The following STK38 variants were observed in gnomAD, a reference collection of about 807,000 sequenced individuals.
STK38 encodes serine/threonine-protein kinase 38.
Under a neutral mutation model 59.0 loss-of-function variants are expected in STK38, and 26 were observed. The observed-to-expected ratio is 0.44, with a 90% CI of 0.32 to 0.61. STK38 has a LOEUF of 0.61. Among genes scored for constraint, STK38 ranks in the 20% least tolerant of loss-of-function variants. The pLI, the probability that STK38 is intolerant of heterozygous loss-of-function variation, is 0.04. For synonymous variants in STK38, 175 were observed against 176.6 expected (o/e 0.99, Z 0.07); for missense variants, 433 against 566.0 (o/e 0.76, Z 2.38).
intron 4 of STK38, chr6:36,522,326 T>C (rs989021977): frequency 3.3e-5 from 5 of 152,420 alleles, no homozygotes; most frequent in African/African-American, 1.2e-4. Context: ...CATAATATGG[T>C]GACCTCCCAG....
At chr6:36,520,170 T>C (rs185057709) in intron 5 of STK38, among the ~76,000 whole-genome samples, 1 of 152,194 alleles carries the variant, frequency 6.6e-6, no homozygotes, top group African/African-American at 2.4e-5. Context: ...ATCTGTTAAG[T>C]TGAGGAGTTG....
At chr6:36,527,493 C>G (rs1018633779) in intron 2 of STK38, among the ~76,000 whole-genome samples, 3 of 151,034 alleles carry the variant, frequency 2.0e-5, no homozygotes, top group Non-Finnish European at 2.9e-5. Flanking sequence ...GCAGAGGTTG[C>G]AGTGAGGCGA....
At chr6:36,540,630 T>C (rs1777911939) in intron 1 of STK38, among the ~76,000 whole-genome samples, 2 of 152,096 alleles carry the variant, frequency 1.3e-5, no homozygotes, top group Admixed American at 1.3e-4. Context: ...AAATATATCT[T>C]TTTTTTTCTT....
At chr6:36,536,173 A>G (rs1777786078) in intron 2 of STK38, among the ~76,000 whole-genome samples, 1 of 152,218 alleles carries the variant, frequency 6.6e-6, no homozygotes, top group Admixed American at 6.5e-5. Flanking sequence ...GAAAAGTGCC[A>G]AAGCAATCTC....
Position 36,530,584 on chromosome 6 carries a change from C to T in STK38, c.132-4942G>A, listed in dbSNP as rs138715762. On this transcript the variant is annotated intron_variant, in intron 2 of 13. Transcript: ENST00000229812. ...TTCACCATGTTGGCCAGTCTGGTCT[C>T]GAACTCCTGACCTCAAGTGATCCAC... Among the ~76,000 whole-genome samples, 595 of 151,868 alleles carry T rather than the reference C, an allele frequency of 3.9e-3. 5 individuals carry two copies. Among genetic ancestry groups the T allele is most frequent in the African/African-American group, 0.013 (551 of 41,452 alleles).
At chr6:36,522,542 G>GA (rs1467253894) in intron 4 of STK38, 2 of 151,526 alleles carry the variant, frequency 1.3e-5, no homozygotes, top group African/African-American at 2.4e-5. Flanking sequence ...TCATGCTTAG[G>GA]AAAAACGTCT....
chr6:36,504,476 A>AT (rs1776912068), intron 9 of STK38, among the ~76,000 whole-genome samples: 1 of 152,204 alleles, frequency 6.6e-6, no homozygotes, highest in South Asian at 2.1e-4. Context: ...GCTGAATGGG[A>AT]TCACTAACAA....
chr6:36,507,576 A>G lies in STK38; in HGVS notation c.696T>C (p.Gly232=), dbSNP rs1435033933. ...SKGHVKLSDF[G]LCTGLKKAHR... ...GTGCTTTTTTCAGTCCTGTGCAAAG[A>G]CCAAAGTCAGAAAGTTTCACATGGC... Residue 232 remains glycine (G), a synonymous_variant, in exon 8 of 14, where the codon GGT becomes GGC. Coordinates refer to ENST00000229812, the MANE Select transcript of STK38 (RefSeq NM_007271.4). The G allele has an allele frequency of 1.2e-6, 2 of 1,614,134 alleles. No homozygotes were observed. Among genetic ancestry groups the G allele is most frequent in the Non-Finnish European group, 1.7e-6 (2 of 1,180,004 alleles).
intron 9 of STK38, among the ~76,000 whole-genome samples, chr6:36,504,802 A>C (rs1776920014): frequency 6.6e-6 from 1 of 151,846 alleles, no homozygotes; most frequent in Non-Finnish European, 1.5e-5. Context: ...AAAGAGCACA[A>C]AGCTTGTCTT....
intron 2 of STK38, among the ~76,000 whole-genome samples, chr6:36,535,246 C>T (rs568058334): frequency 1.8e-4 from 28 of 152,090 alleles, no homozygotes; most frequent in Admixed American, 1.4e-3. Flanking sequence ...GTCAGGAGTT[C>T]GAGACCAGCC....
At chr6:36,515,234 G>T in intron 7 of STK38, 104 bp downstream of exon 7, 1 of 1,346,472 alleles carries the variant, frequency 7.4e-7, no homozygotes, top group Non-Finnish European at 1.0e-6. Flanking sequence ...TGACAAGGCA[G>T]GTCACAGCTC....
At chr6:36,497,707 G>T in intron 12 of STK38, 73 bp downstream of exon 12, 1 of 1,251,230 alleles carries the variant, frequency 8.0e-7, no homozygotes, top group Non-Finnish European at 1.1e-6. Flanking sequence ...TGCCAATGAT[G>T]GTCCTTCCAA....
chr6:36,524,527 G>A (rs985294974), intron 3 of STK38, 64 bp from the exon 4 acceptor site: 1 of 1,511,146 alleles, frequency 6.6e-7, no homozygotes, highest in African/African-American at 1.4e-5. Context: ...TCTGTAACAA[G>A]TCATGTTTGT....
chr6:36,515,163 T>C (rs535388688), intron 7 of STK38, among the ~76,000 whole-genome samples, 175 bp downstream of exon 7: 3 of 152,086 alleles, frequency 2.0e-5, no homozygotes, highest in East Asian at 1.9e-4. Flanking sequence ...TACAGAACCA[T>C]AGCCTTTCAG....
chr6:36,507,414 C>A, intron 8 of STK38, 86 bp downstream of exon 8: 1 of 1,076,954 alleles, frequency 9.3e-7, no homozygotes, highest in Non-Finnish European at 1.4e-6. Flanking sequence ...GTGAGAATCT[C>A]CTATCTGTTC....
At chr6:36,540,253 C>T in intron 1 of STK38, 46 bp from the exon 2 acceptor site, 2 of 1,605,366 alleles carry the variant, frequency 1.2e-6, no homozygotes, top group East Asian at 2.2e-5. Flanking sequence ...AGTTAGAATC[C>T]ACCCAGTGTG....
At chr6:36,537,445 A>T (rs909607270) in intron 2 of STK38, among the ~76,000 whole-genome samples, 4 of 152,238 alleles carry the variant, frequency 2.6e-5, no homozygotes, top group Non-Finnish European at 5.9e-5. Flanking sequence ...TTGGTACAAA[A>T]ATGTTCATAG....
intron 6 of STK38, among the ~76,000 whole-genome samples, chr6:36,516,387 T>C (rs1777251372): frequency 6.6e-6 from 1 of 152,220 alleles, no homozygotes; most frequent in Admixed American, 6.5e-5. Context: ...AGATTCAGTT[T>C]AGACCTCACA....
At chr6:36,511,818 G>A (rs1248177707) in intron 7 of STK38, among the ~76,000 whole-genome samples, 1 of 151,946 alleles carries the variant, frequency 6.6e-6, no homozygotes, top group Non-Finnish European at 1.5e-5. Flanking sequence ...CAACACTTTG[G>A]GAGGCCGAGG....
Sources: allele counts gnomAD v4.1 joint callset (sites outside exome capture counted in the v4.1 genomes callset), GRCh38; gene constraint gnomAD v4.1.1; transcripts MANE v1.5; gene names NCBI Gene and HGNC (gene_info 2026-07-23, HGNC 2026-07-21).